DENND2B: variants seen among roughly 807,000 people sequenced by gnomAD.
The protein encoded by DENND2B is DENN domain containing 2B, also known as DENN domain-containing protein 2B.
Under a neutral mutation model 116.0 loss-of-function variants are expected in DENND2B, and 32 were observed. The observed-to-expected ratio is 0.28, with a 90% CI of 0.21 to 0.37. DENND2B has a LOEUF of 0.37. Among genes scored for constraint, DENND2B ranks in the 10% least tolerant of loss-of-function variants. The probability of loss-of-function intolerance (pLI) is 1.00; values close to 1 mark genes in which losing one functional copy is unlikely to be tolerated. For missense variants in DENND2B, 1,276 were observed against 1,477.7 expected (o/e 0.86, Z 2.24); for synonymous variants, 588 against 583.9 (o/e 1.01, Z -0.10).
At chr11:8,801,814 A>G (rs1286873875) in intron 1 of DENND2B, among the ~76,000 whole-genome samples, 1 of 151,500 alleles carries the variant, frequency 6.6e-6, no homozygotes, top group Non-Finnish European at 1.5e-5. Flanking sequence ...CAGCCTGGGC[A>G]ACATGAAGAA....
chr11:8,822,507 G>A lies in DENND2B; in HGVS notation c.-114-11172C>T, dbSNP rs370284068. On this transcript the variant is annotated intron_variant, in intron 4 of 6. Transcript: ENST00000524757. ...TTTTTAAAGAAAAGATTTCAAAAGT[G>A]GACTCTTTCCTGCAACCTTCCGCTT... Among the ~76,000 whole-genome samples the A allele has an allele frequency of 2.0e-5, 3 of 152,186 alleles. No homozygotes were observed. In the South Asian group the frequency reaches 6.2e-4, roughly 31 times the overall value.
At chr11:8,831,085 T>A (rs2062186449) in intron 4 of DENND2B, among the ~76,000 whole-genome samples, 1 of 152,168 alleles carries the variant, frequency 6.6e-6, no homozygotes, top group East Asian at 1.9e-4. Context: ...CAGTGAAGAT[T>A]GGCAGCTGCA....
intron 4 of DENND2B, among the ~76,000 whole-genome samples, chr11:8,722,513 C>T (rs562677907): frequency 2.6e-4 from 40 of 152,292 alleles, no homozygotes; most frequent in East Asian, 7.7e-4. Context: ...CTAAGCAAGA[C>T]GGGAAACTGC....
chr11:8,742,568 A>G (rs1222215847), intron 2 of DENND2B, among the ~76,000 whole-genome samples: 2 of 152,224 alleles, frequency 1.3e-5, no homozygotes, highest in African/African-American at 4.8e-5. Context: ...CTGATGAACT[A>G]CCTAAGGAGA....
chr11:8,883,975 A>G (rs2063930734), intron 1 of DENND2B, among the ~76,000 whole-genome samples: 2 of 152,212 alleles, frequency 1.3e-5, no homozygotes, highest in Admixed American at 1.3e-4. Context: ...TCTTTCCAGT[A>G]CTGCCCTCAA....
At chr11:8,776,268 C>A (rs1439711005) in intron 1 of DENND2B, 2 of 455,638 alleles carry the variant, frequency 4.4e-6, no homozygotes, top group Non-Finnish European at 8.8e-6. Flanking sequence ...GGGCTCAAAT[C>A]ACTGGCAGCC....
intron 1 of DENND2B, among the ~76,000 whole-genome samples, chr11:8,751,721 T>G (rs1342311843): frequency 6.6e-6 from 1 of 152,110 alleles, no homozygotes; most frequent in Non-Finnish European, 1.5e-5. Context: ...CGGACACAAT[T>G]TCACAGAAAA....
At chr11:8,759,056 A>G (rs2054115450) in intron 1 of DENND2B, among the ~76,000 whole-genome samples, 1 of 152,002 alleles carries the variant, frequency 6.6e-6, no homozygotes, top group African/African-American at 2.4e-5. Flanking sequence ...ACTCTCTACC[A>G]TCCTGAGTGC....
intron 1 of DENND2B, among the ~76,000 whole-genome samples, chr11:8,903,494 CAAGA>C (rs2064196912): frequency 7.7e-6 from 1 of 129,812 alleles, no homozygotes; most frequent in South Asian, 2.4e-4. Context: ...AAAAAAAAAG[CAAGA>C]GAGAGAAGGC....
intron 4 of DENND2B, among the ~76,000 whole-genome samples, chr11:8,823,608 A>G (rs2061850721): frequency 6.6e-6 from 1 of 152,100 alleles, no homozygotes; most frequent in African/African-American, 2.4e-5. Context: ...ATAGTTTTAT[A>G]AGCTCCTGGC....
intron 5 of DENND2B, among the ~76,000 whole-genome samples, chr11:8,716,766 G>A (rs1023147226): frequency 3.3e-5 from 5 of 151,854 alleles, no homozygotes; most frequent in Non-Finnish European, 5.9e-5. Context: ...TCCTGCCTCA[G>A]CCTCCCAAGC....
At chr11:8,883,938 T>C (rs1417811498) in intron 1 of DENND2B, among the ~76,000 whole-genome samples, 1 of 152,238 alleles carries the variant, frequency 6.6e-6, no homozygotes, top group Non-Finnish European at 1.5e-5. Flanking sequence ...GTGCACAGCA[T>C]GAAATCTAGA....
chr11:8,770,311 G>A (rs2056633177), intron 1 of DENND2B, among the ~76,000 whole-genome samples: 1 of 152,166 alleles, frequency 6.6e-6, no homozygotes, highest in Non-Finnish European at 1.5e-5. Context: ...AGGAGGCTGG[G>A]GCTCAGGAAG....
At chr11:8,901,361 C>G (rs1034065995) in intron 1 of DENND2B, among the ~76,000 whole-genome samples, 4 of 151,194 alleles carry the variant, frequency 2.6e-5, no homozygotes, top group African/African-American at 9.7e-5. Context: ...TCCCGAGTAG[C>G]TGGGATTACA....
At chr11:8,866,419 C>A (rs2063582759) in intron 2 of DENND2B, among the ~76,000 whole-genome samples, 1 of 152,142 alleles carries the variant, frequency 6.6e-6, no homozygotes, top group Non-Finnish European at 1.5e-5. Context: ...AAGGGCATTG[C>A]CAAAGTCTCT....
At chr11:8,784,774 G>A (rs1049331187) in intron 1 of DENND2B, among the ~76,000 whole-genome samples, 6 of 151,812 alleles carry the variant, frequency 4.0e-5, no homozygotes, top group Non-Finnish European at 5.9e-5. Context: ...GGAGGTGGAG[G>A]CTGCAGTGAG....
At chr11:8,759,868 C>G (rs1039515428) in intron 1 of DENND2B, among the ~76,000 whole-genome samples, 14 of 152,246 alleles carry the variant, frequency 9.2e-5, no homozygotes, top group Admixed American at 8.5e-4. Context: ...TGCCAAGAGT[C>G]TCAGCAACCA....
At chr11:8,834,379 G>C (rs2062336874) in intron 4 of DENND2B, among the ~76,000 whole-genome samples, 1 of 152,182 alleles carries the variant, frequency 6.6e-6, no homozygotes, top group African/African-American at 2.4e-5. Context: ...ATTGCAACAA[G>C]AATGTATTAT....
Position 8,856,054 on chromosome 11 carries a change from A to G in DENND2B, c.-156+1289T>C, listed in dbSNP as rs185043436. Among the ~76,000 whole-genome samples the G allele has an allele frequency of 1.3e-3, 193 of 152,348 alleles. 1 individual carries two copies. The highest frequency in any genetic ancestry group is 3.4e-3 in the Middle Eastern group (1 of 294). On this transcript the variant is annotated intron_variant, in intron 3 of 6. Coordinates refer to the DENND2B transcript ENST00000524757. ...AAACATTCAACAACTGAACACAAAC[A>G]TAAGTGAACAGGCTGAACCAACTGA... is the stretch of plus-strand genomic sequence containing the variant.
Sources: gnomAD v4.1 joint callset for allele counts (sites outside exome capture counted in the v4.1 genomes callset) on GRCh38, gnomAD v4.1.1 for gene constraint, MANE v1.5 for transcripts, NCBI Gene and HGNC (gene_info 2026-07-23, HGNC 2026-07-21) for gene names.